The following MTTP variants were observed in gnomAD, a reference collection of about 807,000 sequenced individuals.
The protein encoded by MTTP is microsomal triglyceride transfer protein large subunit.
A neutral mutation model predicts 90.6 loss-of-function variants in MTTP; 49 were observed. That is an observed-to-expected ratio of 0.54 (90% confidence interval 0.43 to 0.69). MTTP has a LOEUF of 0.69. Ranked by LOEUF, MTTP falls within the 30% of genes least tolerant of loss-of-function variation. The pLI is 0.00. For missense variants in MTTP, 945 were observed against 1,067.5 expected, an observed-to-expected ratio of 0.89 and a Z score of 1.60; for synonymous variants, 347 against 384.2, an observed-to-expected ratio of 0.90 and a Z score of 1.13.
chr4:99,603,019 G>T (rs1725734248), intron 10 of MTTP, among the ~76,000 whole-genome samples: 1 of 152,138 alleles, frequency 6.6e-6, no homozygotes, highest in Non-Finnish European at 1.5e-5. Flanking sequence ...GTGTGCTCGA[G>T]AAGTTTCCAC....
At chr4:99,592,807 C>T (rs1725464549) in intron 6 of MTTP, among the ~76,000 whole-genome samples, 1 of 152,096 alleles carries the variant, frequency 6.6e-6, no homozygotes, top group Admixed American at 6.6e-5. Flanking sequence ...AAGAAGTACA[C>T]TGTAAAATAA....
intron 8 of MTTP, among the ~76,000 whole-genome samples, chr4:99,597,524 C>T (rs555402688): frequency 2.6e-5 from 4 of 152,282 alleles, no homozygotes; most frequent in East Asian, 1.9e-4. Context: ...GTCGTGACAT[C>T]GTGGGGCATG....
At chr4:99,574,708 C>A (rs540572452), upstream of MTTP, 5 of 1,196,518 alleles carry the variant, frequency 4.2e-6, no homozygotes, top group East Asian at 2.6e-5. Flanking sequence ...CTGCAGCCCA[C>A]CTACGTTTAA....
chr4:99,566,270 CAG>C (rs1269906274), intron 1 of MTTP, among the ~76,000 whole-genome samples: 1 of 121,570 alleles, frequency 8.2e-6, no homozygotes, highest in Non-Finnish European at 1.6e-5. Flanking sequence ...GCCTGGGTGA[CAG>C]AGTGATACTC....
chr4:99,575,794 T>G (rs970504101), intron 1 of MTTP, among the ~76,000 whole-genome samples: 1 of 152,224 alleles, frequency 6.6e-6, no homozygotes, highest in African/African-American at 2.4e-5. Context: ...TTTAGTTTCT[T>G]AGGAAGACAC....
chr4:99,612,887 A>T (rs982650169), intron 14 of MTTP, 26 bp from the exon 15 acceptor site: 2 of 1,598,144 alleles, frequency 1.3e-6, no homozygotes, highest in Non-Finnish European at 1.7e-6. Context: ...AGCTTGCGTC[A>T]TGAACATTAT....
rs150722036 is a variant in MTTP at position 99,581,098 on chromosome 4, G to T, written c.62-807G>T. On this transcript the variant is annotated intron_variant, in intron 1 of 17. Transcript: ENST00000265517. ...AGCCATACATAGAAAATATACAAAA[G>T]AAAAAAGATTTATGTGACCATACAT... Among the ~76,000 whole-genome samples the T allele has an allele frequency of 5.9e-3, 893 of 152,172 alleles. 8 individuals carry two copies. The highest frequency in any genetic ancestry group is 0.019 in the African/African-American group (792 of 41,530).
intron 1 of MTTP, among the ~76,000 whole-genome samples, chr4:99,576,376 T>C (rs1398521701): frequency 6.6e-6 from 1 of 152,194 alleles, no homozygotes; most frequent in Non-Finnish European, 1.5e-5. Flanking sequence ...GAACATTGGG[T>C]GACCTCATGT....
chr4:99,582,214 C>T, intron 2 of MTTP, 122 bp downstream of exon 2: 1 of 997,820 alleles, frequency 1.0e-6, no homozygotes, highest in East Asian at 2.4e-5. Context: ...TTATCTATCA[C>T]TAAAACAAGC....
At chr4:99,598,695 C>T (rs1266407134) in intron 8 of MTTP, among the ~76,000 whole-genome samples, 1 of 109,798 alleles carries the variant, frequency 9.1e-6, no homozygotes, top group Non-Finnish European at 1.7e-5. Context: ...CAGTGTTTCG[C>T]TCTTGTTGCC....
chr4:99,594,681 G>T, intron 6 of MTTP, 52 bp from the exon 7 acceptor site: 2 of 1,600,020 alleles, frequency 1.2e-6, no homozygotes, highest in Non-Finnish European at 1.7e-6. Flanking sequence ...TTAGTATCTT[G>T]TTCACTCAAA....
intron 11 of MTTP, 69 bp downstream of exon 11, chr4:99,607,029 A>C: frequency 7.3e-7 from 1 of 1,364,098 alleles, no homozygotes; most frequent in Non-Finnish European, 1.0e-6. Flanking sequence ...CATGAGTCAA[A>C]TGCAAATTCC....
upstream of MTTP, among the ~76,000 whole-genome samples, chr4:99,573,555 G>C (rs1560611166): frequency 6.6e-6 from 1 of 151,962 alleles, no homozygotes; most frequent in African/African-American, 2.4e-5. Context: ...AATCCCAATA[G>C]AAGAACAAAC....
rs563138284 is a variant in MTTP at position 99,580,574 on chromosome 4, C to CAAAAAAAAA, written c.62-1313_62-1305dup. Reference sequence around the variant, plus strand: ...TGGCCGACAGAGTGAGACTCTGTCTCAAAAAAAAAAAAAAAAAAAAAAAAA... The same window carrying CAAAAAAAAA: ...TGGCCGACAGAGTGAGACTCTGTCTCAAAAAAAAAAAAAAAAAAAAAAAAAAAAAAAAAA... On this transcript the variant is annotated intron_variant, in intron 1 of 17. Transcript: ENST00000265517. 2.8e-3 allele frequency among the ~76,000 whole-genome samples: 111 copies of CAAAAAAAAA among 39,892 alleles called. 4 individuals are homozygous for CAAAAAAAAA. Among genetic ancestry groups the CAAAAAAAAA allele is most frequent in the African/African-American group, 6.3e-3 (78 of 12,370 alleles). 26.2% of individuals were successfully genotyped at this position (39,892 alleles called of 152,430 possible).
chr4:99,602,482 C>T (rs1725723066), intron 10 of MTTP, among the ~76,000 whole-genome samples: 1 of 151,900 alleles, frequency 6.6e-6, no homozygotes, highest in Non-Finnish European at 1.5e-5. Context: ...ATTTTTTCTA[C>T]CTCAGACAGC....
At chr4:99,595,431 C>T (rs565778318) in intron 7 of MTTP, 6 of 159,208 alleles carry the variant, frequency 3.8e-5, no homozygotes, top group South Asian at 3.5e-4. Context: ...TTTAATCCAA[C>T]AAAGAAAATT....
chr4:99,623,436 A>G lies in MTTP; in HGVS notation c.*588A>G, dbSNP rs184236038. On this transcript the variant is annotated 3_prime_UTR_variant, in exon 18 of 18. Coordinates refer to ENST00000265517, the MANE Select transcript of MTTP (RefSeq NM_001386140.1). The stretch of plus-strand genomic sequence containing the variant: ...TATGTCTCTGTTATTGTTAGTTTTA[A>G]GCCTTAAGGTAGAAGGCACATAGAA... The G allele has an allele frequency of 5.7e-3, 896 of 158,290 alleles. 8 individuals carry two copies. The highest frequency in any genetic ancestry group is 0.019 in the African/African-American group (790 of 41,558). 9.8% of individuals were successfully genotyped at this position (158,290 alleles called of 1,614,324 possible). A position where few individuals can be genotyped will look rare whatever the true frequency, so the allele number is the denominator to read the frequency against.
At chr4:99,574,777 C>A (rs1435039253), upstream of MTTP, 10 of 1,585,150 alleles carry the variant, frequency 6.3e-6, no homozygotes, top group Non-Finnish European at 8.6e-6. Flanking sequence ...TGGAGTCTGA[C>A]CTTTCCCCAA....
chr4:99,618,387 A>T (rs1208644384), intron 15 of MTTP, among the ~76,000 whole-genome samples: 6 of 152,216 alleles, frequency 3.9e-5, no homozygotes, highest in Admixed American at 3.3e-4. Context: ...GCCACAGCAC[A>T]TAACTAGAGA....
Sources: gnomAD v4.1 joint callset for allele counts (sites outside exome capture counted in the v4.1 genomes callset) on GRCh38, gnomAD v4.1.1 for gene constraint, MANE v1.5 for transcripts, NCBI Gene and HGNC (gene_info 2026-07-23, HGNC 2026-07-21) for gene names.